SLC24A2: variants seen among roughly 807,000 people sequenced by gnomAD.
The protein encoded by SLC24A2 is solute carrier family 24 member 2.
Under a neutral mutation model 62.0 loss-of-function variants are expected in SLC24A2, and 36 were observed. That is an observed-to-expected ratio of 0.58 (90% CI 0.44 to 0.77). SLC24A2 has a LOEUF of 0.77. SLC24A2 is among the 30% of genes least tolerant of loss of function. SLC24A2 has a pLI of 0.00. For synonymous variants in SLC24A2, 358 were observed against 294.0 expected (o/e 1.22, Z -2.23); for missense variants, 846 against 817.9 (o/e 1.03, Z -0.42).
the SLC24A2 span, among the ~76,000 whole-genome samples, chr9:20,150,284 G>T: frequency 1.3e-5 from 2 of 151,904 alleles, no homozygotes; most frequent in African/African-American, 4.8e-5. Context: ...GGATGCCTGT[G>T]GTTCCTTAAA....
intron 2 of SLC24A2, among the ~76,000 whole-genome samples, chr9:19,753,322 T>C (rs2118820317): frequency 1.3e-5 from 2 of 152,352 alleles, no homozygotes; most frequent in South Asian, 4.1e-4. Flanking sequence ...CTGGATTTTA[T>C]CTGTGTTGAC....
intron 10 of SLC24A2, 126 bp from the exon 11 acceptor site, chr9:19,516,528 T>C: frequency 8.4e-7 from 1 of 1,186,576 alleles, no homozygotes; most frequent in Admixed American, 2.1e-5. Flanking sequence ...GGTGTCTTGT[T>C]AGGTTCACTA....
At chr9:19,527,808 G>A (rs1032682981) in intron 9 of SLC24A2, among the ~76,000 whole-genome samples, 5 of 152,168 alleles carry the variant, frequency 3.3e-5, no homozygotes, top group African/African-American at 4.8e-5. Context: ...GAGGCAAGAA[G>A]TAGTTAGACT....
chr9:19,841,079 C>A, the SLC24A2 span, among the ~76,000 whole-genome samples: 1 of 152,000 alleles, frequency 6.6e-6, no homozygotes, highest in African/African-American at 2.4e-5. Flanking sequence ...CAAAGAACAT[C>A]TAAGTTTTCT....
chr9:19,898,741 CAAAAAAA>C, the SLC24A2 span, among the ~76,000 whole-genome samples: 94 of 97,232 alleles, frequency 9.7e-4, no homozygotes, highest in Middle Eastern at 6.1e-3. Context: ...GACTCCATCT[CAAAAAAA>C]AAAAAAAAAA....
At chr9:20,126,712 A>C in the SLC24A2 span, among the ~76,000 whole-genome samples, 1 of 152,160 alleles carries the variant, frequency 6.6e-6, no homozygotes, top group Non-Finnish European at 1.5e-5. Context: ...TTGTGTTTTC[A>C]GTTTGACAGT....
intron 5 of SLC24A2, among the ~76,000 whole-genome samples, chr9:19,594,206 A>G (rs1370485379): frequency 2.0e-5 from 3 of 149,780 alleles, no homozygotes; most frequent in African/African-American, 7.4e-5. Flanking sequence ...GGTACTTACC[A>G]CTTTCTTCCT....
At chr9:20,066,322 A>G in the SLC24A2 span, among the ~76,000 whole-genome samples, 1 of 152,350 alleles carries the variant, frequency 6.6e-6, no homozygotes, top group African/African-American at 2.4e-5. Context: ...ATGCTGTCAT[A>G]TAAGGAAGAC....
At chr9:20,116,988 C>T in the SLC24A2 span, among the ~76,000 whole-genome samples, 1 of 152,114 alleles carries the variant, frequency 6.6e-6, no homozygotes, top group Non-Finnish European at 1.5e-5. Flanking sequence ...TATGATCTTT[C>T]CACTCAACCC....
At chr9:20,075,950 C>T in the SLC24A2 span, among the ~76,000 whole-genome samples, 56 of 152,244 alleles carry the variant, frequency 3.7e-4, 1 homozygote, top group African/African-American at 1.3e-3. Context: ...TATGTACATC[C>T]TCCTGTATAC....
the SLC24A2 span, among the ~76,000 whole-genome samples, chr9:20,256,482 A>AT: frequency 1.1e-4 from 17 of 151,482 alleles, no homozygotes; most frequent in East Asian, 1.4e-3. Context: ...GCACTTCACA[A>AT]TTTTTTTTTC....
At chr9:19,577,090 T>C (rs2277149) in intron 5 of SLC24A2, 68 bp from the exon 6 acceptor site, 47,685 of 1,245,276 alleles carry the variant, frequency 0.038, 3,192 homozygotes, top group East Asian at 0.3. Context: ...GCCAAGCAGG[T>C]ATGTGGCCTC....
At chr9:20,134,673 G>C in the SLC24A2 span, among the ~76,000 whole-genome samples, 2 of 152,092 alleles carry the variant, frequency 1.3e-5, no homozygotes, top group African/African-American at 4.8e-5. Context: ...AGTTTTCTTT[G>C]AAAAATTCTA....
chr9:19,760,310 A>T (rs539397976), intron 2 of SLC24A2, among the ~76,000 whole-genome samples: 1 of 152,278 alleles, frequency 6.6e-6, no homozygotes, highest in South Asian at 2.1e-4. Flanking sequence ...TGAATTATCA[A>T]ATCTTTCCTC....
the SLC24A2 span, among the ~76,000 whole-genome samples, chr9:20,175,888 T>C: frequency 9.2e-5 from 14 of 152,112 alleles, 1 homozygote; most frequent in African/African-American, 3.4e-4. Flanking sequence ...TTAATTAGAC[T>C]GAAGGTTTAA....
chr9:19,693,414 G>A (rs1389047003), intron 2 of SLC24A2, among the ~76,000 whole-genome samples: 1 of 152,054 alleles, frequency 6.6e-6, no homozygotes, highest in African/African-American at 2.4e-5. Context: ...CTGTTTACTA[G>A]TTTATTAATT....
intron 2 of SLC24A2, among the ~76,000 whole-genome samples, chr9:19,715,189 C>T (rs987082403): frequency 1.3e-5 from 2 of 152,130 alleles, no homozygotes; most frequent in African/African-American, 4.8e-5. Context: ...TAGATACCTA[C>T]AAAATACATT....
the SLC24A2 span, among the ~76,000 whole-genome samples, chr9:20,077,232 C>A: frequency 1.3e-5 from 2 of 151,910 alleles, no homozygotes; most frequent in Admixed American, 6.6e-5. Context: ...ATAGAACACA[C>A]AGACTACTTA....
chr9:20,216,672 A>G, the SLC24A2 span, among the ~76,000 whole-genome samples: 2 of 152,206 alleles, frequency 1.3e-5, no homozygotes, highest in Admixed American at 1.3e-4. Context: ...ATGGACAGAT[A>G]CTATCACTCT....
Sources: gnomAD v4.1 joint callset for allele counts (sites outside exome capture counted in the v4.1 genomes callset) on GRCh38, gnomAD v4.1.1 for gene constraint, MANE v1.5 for transcripts, NCBI Gene and HGNC (gene_info 2026-07-23, HGNC 2026-07-21) for gene names.